Variants in IL1RAPL1 observed in about 807,000 individuals in gnomAD.
The protein encoded by IL1RAPL1 is interleukin 1 receptor accessory protein like 1, also known as interleukin-1 receptor accessory protein-like 1.
A neutral mutation model predicts 48.4 loss-of-function variants in IL1RAPL1; 3 were observed. The ratio of observed to expected loss-of-function variants is 0.06; its 90% CI spans 0.03 to 0.16. IL1RAPL1 has a LOEUF of 0.16. Ranked by LOEUF, IL1RAPL1 falls within the 10% of genes least tolerant of loss-of-function variation. The pLI, the probability that IL1RAPL1 is intolerant of heterozygous loss-of-function variation, is 1.00. For missense variants in IL1RAPL1, 349 were observed against 530.6 expected (o/e 0.66, Z 3.36); for synonymous variants, 185 against 187.7 (o/e 0.99, Z 0.12).
chrX:29,658,982 T>G (rs1050730642), intron 5 of IL1RAPL1, among the ~76,000 whole-genome samples: 2 of 112,194 alleles, frequency 1.8e-5, no homozygotes. Flanking sequence ...CCAAAGCAAT[T>G]GACACATTCA....
intron 5 of IL1RAPL1, among the ~76,000 whole-genome samples, chrX:29,543,707 A>AT (rs1921517922): frequency 9.0e-6 from 1 of 111,353 alleles, no homozygotes; most frequent in African/African-American, 3.3e-5. Context: ...TTGAATTAAA[A>AT]TTTTGACCCC....
At chrX:28,793,870 G>A (rs1936581857) in intron 2 of IL1RAPL1, among the ~76,000 whole-genome samples, 1 of 110,941 alleles carries the variant, frequency 9.0e-6, no homozygotes, top group Admixed American at 9.7e-5. Context: ...GATGGTGAGT[G>A]CAAGGACCAT....
intron 1 of IL1RAPL1, among the ~76,000 whole-genome samples, chrX:28,762,786 G>GCGCGCGCGCACACA (rs1366464632): frequency 6.3e-5 from 4 of 62,997 alleles, no homozygotes; most frequent in Admixed American, 1.9e-4. Context: ...GCACGCGCGC[G>GCGCGCGCGCACACA]CACACACACA....
At chrX:28,944,913 C>T (rs1275133068) in intron 2 of IL1RAPL1, among the ~76,000 whole-genome samples, 3 of 110,166 alleles carry the variant, frequency 2.7e-5, no homozygotes, top group South Asian at 3.8e-4. Flanking sequence ...GACATTTTCA[C>T]GAATCCTTAT....
intron 1 of IL1RAPL1, among the ~76,000 whole-genome samples, chrX:28,596,903 C>T (rs1367417383): frequency 1.8e-5 from 2 of 111,090 alleles, no homozygotes; most frequent in East Asian, 5.7e-4. Context: ...AAGAGAGATG[C>T]CAAGTATGCT....
intron 2 of IL1RAPL1, among the ~76,000 whole-genome samples, chrX:29,084,378 T>C (rs1336750585): frequency 1.8e-5 from 2 of 111,886 alleles, no homozygotes; most frequent in Non-Finnish European, 3.8e-5. Flanking sequence ...GTTTATTAAA[T>C]TCTTTTAAAA....
In IL1RAPL1 at chrX:29,146,793, C is replaced by T. The variant is rs1370826072; in HGVS notation, c.83-136145C>T. Among the ~76,000 whole-genome samples, 6 of 112,076 alleles carry T rather than the reference C, an allele frequency of 5.4e-5. No homozygotes were observed. In the Admixed American group the frequency reaches 5.7e-4, roughly 11 times the overall value. ...AAAAAGAGTGAAATCTGGGCTGATG[C>T]TCTCTAGTTTGAGCAGGAAAATATC... On this transcript the variant is annotated intron_variant, in intron 2 of 10. Transcript: ENST00000378993.
At chrX:29,201,585 A>G (rs1930555852) in intron 2 of IL1RAPL1, among the ~76,000 whole-genome samples, 1 of 112,552 alleles carries the variant, frequency 8.9e-6, no homozygotes, top group African/African-American at 3.2e-5. Flanking sequence ...TGCAAAAGAC[A>G]TAGAACCATT....
Position 29,257,289 on chromosome X carries a change from T to C in IL1RAPL1, c.83-25649T>C, listed in dbSNP as rs16988484. Among the ~76,000 whole-genome samples, 304 of 111,566 alleles carry C rather than the reference T, an allele frequency of 2.7e-3. 1 individual carries two copies. The highest frequency in any genetic ancestry group is 8.8e-3 in the African/African-American group (272 of 30,810). ...TTTTTTTTTGCCAAGTTTGCCCTAATGCATTATATCATTTGAGTGCATGGG... is the reference window on the plus strand; with the variant it reads ...TTTTTTTTTGCCAAGTTTGCCCTAACGCATTATATCATTTGAGTGCATGGG... On this transcript the variant is annotated intron_variant, in intron 2 of 10. Transcript: ENST00000378993.
intron 1 of IL1RAPL1, among the ~76,000 whole-genome samples, chrX:28,752,048 C>A (rs1936050383): frequency 8.9e-6 from 1 of 111,960 alleles, no homozygotes; most frequent in African/African-American, 3.2e-5. Flanking sequence ...CAGTATATAT[C>A]ATTGTATTTT....
At chrX:29,185,846 C>CA (rs35152820) in intron 2 of IL1RAPL1, among the ~76,000 whole-genome samples, 116 of 100,493 alleles carry the variant, frequency 1.2e-3, no homozygotes, top group African/African-American at 2.7e-3. Flanking sequence ...GTCACAGCAG[C>CA]AAAAAAAAAA....
intron 6 of IL1RAPL1, among the ~76,000 whole-genome samples, chrX:29,901,195 C>T (rs781645766): frequency 2.0e-4 from 22 of 111,931 alleles, no homozygotes; most frequent in Non-Finnish European, 3.6e-4. Flanking sequence ...TCATACATCT[C>T]GTTGACCCGG....
At chrX:29,332,479 A>G (rs901928825) in intron 3 of IL1RAPL1, among the ~76,000 whole-genome samples, 3 of 95,354 alleles carry the variant, frequency 3.1e-5, no homozygotes, top group East Asian at 3.2e-4. Context: ...TATTTTCACA[A>G]TGTGCTGAGT....
chrX:29,643,904 G>A (rs1194661317), intron 5 of IL1RAPL1, among the ~76,000 whole-genome samples: 1 of 111,717 alleles, frequency 9.0e-6, no homozygotes, highest in East Asian at 2.8e-4. Flanking sequence ...TGTGTCAGGC[G>A]TAATACCCGC....
intron 2 of IL1RAPL1, among the ~76,000 whole-genome samples, chrX:28,801,445 T>C (rs1033619220): frequency 4.5e-5 from 5 of 111,698 alleles, no homozygotes; most frequent in Admixed American, 3.8e-4. Flanking sequence ...TTTTCGTTTT[T>C]TCATTTCATA....
chrX:29,033,630 C>T (rs1023721282), intron 2 of IL1RAPL1, among the ~76,000 whole-genome samples: 2 of 110,923 alleles, frequency 1.8e-5, no homozygotes, highest in South Asian at 3.8e-4. Flanking sequence ...ATCCGCTGTT[C>T]CATATCTAGG....
intron 3 of IL1RAPL1, among the ~76,000 whole-genome samples, chrX:29,334,742 A>G (rs866193824): frequency 0.02 from 1,582 of 78,506 alleles, no homozygotes; most frequent in Middle Eastern, 0.042. Context: ...GACGCTCCTC[A>G]CTTCCTAGAT....
At chrX:28,890,484 A>C (rs963071180) in intron 2 of IL1RAPL1, among the ~76,000 whole-genome samples, 1 of 111,839 alleles carries the variant, frequency 8.9e-6, no homozygotes, top group Non-Finnish European at 1.9e-5. Flanking sequence ...CAAAGCACCA[A>C]GGAAAATTAT....
chrX:28,652,401 ATATG>A, intron 1 of IL1RAPL1, among the ~76,000 whole-genome samples: 1 of 112,043 alleles, frequency 8.9e-6, no homozygotes, highest in Non-Finnish European at 1.9e-5. Flanking sequence ...ATGTAATCAA[ATATG>A]TACTTTATAT....
Sources: gnomAD v4.1 joint callset for allele counts (sites outside exome capture counted in the v4.1 genomes callset) on GRCh38, gnomAD v4.1.1 for gene constraint, MANE v1.5 for transcripts, NCBI Gene and HGNC (gene_info 2026-07-23, HGNC 2026-07-21) for gene names.